Variants in PHRF1 observed in about 807,000 individuals in gnomAD.
The protein encoded by PHRF1 is PHD and ring finger domains 1.
Under a neutral mutation model 128.9 loss-of-function variants are expected in PHRF1, and 53 were observed. The ratio of observed to expected loss-of-function variants is 0.41; its 90% confidence interval spans 0.33 to 0.52. PHRF1 has a LOEUF of 0.52. Ranked by LOEUF, PHRF1 falls within the 20% of genes least tolerant of loss-of-function variation. PHRF1 has a pLI of 0.21. For missense variants in PHRF1, 2,503 were observed against 2,284.5 expected, an observed-to-expected ratio of 1.10 and a Z score of -1.95; for synonymous variants, 1,178 against 980.6, an observed-to-expected ratio of 1.20 and a Z score of -3.76.
intron 4 of PHRF1, among the ~76,000 whole-genome samples, chr11:588,404 A>C (rs936072053): frequency 6.8e-6 from 1 of 147,704 alleles, no homozygotes; most frequent in African/African-American, 2.5e-5. Context: ...TTTGAGACGG[A>C]GTTTTGTTCT....
At chr11:577,834 G>C (rs1157298793) in intron 1 of PHRF1, among the ~76,000 whole-genome samples, 1 of 152,260 alleles carries the variant, frequency 6.6e-6, no homozygotes, top group Non-Finnish European at 1.5e-5. Context: ...TCATTCCTTA[G>C]TAACAGTTGG....
intron 11 of PHRF1, 114 bp downstream of exon 11, chr11:605,414 G>A (rs1855884111): frequency 1.7e-5 from 26 of 1,488,406 alleles, no homozygotes; most frequent in Middle Eastern, 2.1e-4. Context: ...GAGAGTGAGG[G>A]TGGCCATTCC....
chr11:609,615 G>A lies in PHRF1; in HGVS notation c.4159G>A (p.Val1387Met), dbSNP rs1464921914. ...RVQEAARPEE[V>M]VSQTPLLRSR... The stretch of plus-strand genomic sequence containing the variant: ...ACAGGAGGCAGCCCGGCCTGAGGAG[G>A]TGGTTTCGCAGACCCCCCTGCTGCG... Residue 1387 changes from valine to methionine, a missense_variant, in exon 14 of 18, where the codon GTG (valine) becomes ATG (methionine). By Grantham distance (21) the Val-to-Met change is conservative. Transcript: ENST00000264555. 1 of 1,587,576 alleles carries A rather than the reference G, an allele frequency of 6.3e-7. No homozygotes were observed. Among genetic ancestry groups the A allele is most frequent in the Middle Eastern group, 1.7e-4 (1 of 6,028 alleles).
At chr11:590,911 C>T (rs879782224) in intron 4 of PHRF1, among the ~76,000 whole-genome samples, 1 of 152,118 alleles carries the variant, frequency 6.6e-6, no homozygotes, top group Non-Finnish European at 1.5e-5. Context: ...CTGTGTCAGT[C>T]AGGCTGGTCT....
At position 607,451 on chromosome 11, in the gene PHRF1, T is replaced by A; in HGVS notation, c.1995T>A (p.Pro665=). Residue 665 remains proline (P), a synonymous_variant, in exon 14 of 18, where the codon CCT becomes CCA. Coordinates refer to ENST00000264555, the MANE Select transcript of PHRF1 (RefSeq NM_001286581.2). The stretch of plus-strand genomic sequence containing the variant: ...CATGTCGCAGTGTGGTGCCGGGGCC[T>A]CCCCTGAAGCCAGCGCCCAGAAGAA... The part of the protein sequence containing the change: ...KPPCRSVVPG[P]PLKPAPRRTD... 20 of 1,612,782 alleles carry A rather than the reference T, an allele frequency of 1.2e-5. No individual in the cohort carries two copies. Among genetic ancestry groups the A allele is most frequent in the Non-Finnish European group, 1.6e-5 (19 of 1,179,878 alleles).
At chr11:581,708 C>A in intron 2 of PHRF1, 102 bp downstream of exon 2, 2 of 1,193,964 alleles carry the variant, frequency 1.7e-6, no homozygotes, top group Non-Finnish European at 2.3e-6. Flanking sequence ...AACTTTCAGT[C>A]TAAAAAAATT....
chr11:592,509 C>T lies in PHRF1; in HGVS notation c.505-50C>T, dbSNP rs765060500. 11 of 1,552,058 alleles carry T rather than the reference C, an allele frequency of 7.1e-6. No homozygotes were observed. The Admixed American group carries it at 1.3e-4, about 19-fold the overall frequency. ...AACTGCGTTTCACGCTGGGAAGTGA[C>T]TGCGGGGAGTTTGGGTCCTGTGTGG... On this transcript the variant is annotated intron_variant, in intron 5 of 17. Transcript: ENST00000264555.
intron 4 of PHRF1, among the ~76,000 whole-genome samples, chr11:589,487 A>G (rs926732259): frequency 2.6e-5 from 4 of 152,190 alleles, no homozygotes; most frequent in African/African-American, 9.7e-5. Context: ...TGATTTATAA[A>G]ACTACAGGGA....
chr11:591,784 T>C (rs1038606452), intron 5 of PHRF1, among the ~76,000 whole-genome samples: 1 of 152,208 alleles, frequency 6.6e-6, no homozygotes, highest in Non-Finnish European at 1.5e-5. Context: ...TCTTGCTCTT[T>C]CACCCAGGCT....
At chr11:593,170 T>A (rs1855084267) in intron 6 of PHRF1, among the ~76,000 whole-genome samples, 1 of 152,256 alleles carries the variant, frequency 6.6e-6, no homozygotes, top group Non-Finnish European at 1.5e-5. Context: ...CGGGAGCCTG[T>A]GACACTTGTC....
chr11:605,353 C>T (rs910713537), intron 11 of PHRF1, 53 bp downstream of exon 11: 1 of 1,595,202 alleles, frequency 6.3e-7, no homozygotes, highest in African/African-American at 1.3e-5. Flanking sequence ...TCCCTGGGGG[C>T]TGTGGGCACG....
chr11:590,265 A>C (rs1589871636), intron 4 of PHRF1, among the ~76,000 whole-genome samples: 1 of 152,358 alleles, frequency 6.6e-6, no homozygotes, highest in African/African-American at 2.4e-5. Context: ...AAGGCCATGT[A>C]TTCCTGGGTG....
In PHRF1 at chr11:610,188, G is replaced by T. The variant is rs924108713; in HGVS notation, c.4265-8G>T. On this transcript the variant is annotated splice_region_variant and splice_polypyrimidine_tract_variant and intron_variant, in intron 14 of 17. Coordinates refer to ENST00000264555, the MANE Select transcript of PHRF1 (RefSeq NM_001286581.2). ...GAGCACCCACCTCCCTGTCTGTCGG[G>T]CCCCCAGGGGCACCACTTCACAGGC... 3.3e-6 allele frequency: 5 copies of T among 1,499,842 alleles called. No homozygotes were observed. The African/African-American group carries it at 7.0e-5, about 21-fold the overall frequency. The allele number at this position is 1,499,842 out of a possible 1,614,324, so 92.9% of individuals were successfully genotyped here. A position where few individuals can be genotyped will look rare whatever the true frequency, so the allele number is the denominator to read the frequency against.
In PHRF1 at chr11:610,621, G is replaced by T; in HGVS notation, c.4537G>T (p.Gly1513Trp). Residue 1513 changes from glycine to tryptophan, a missense_variant, in exon 16 of 18, where the codon GGG (glycine) becomes TGG (tryptophan). Coordinates refer to ENST00000264555, the MANE Select transcript of PHRF1 (RefSeq NM_001286581.2). ...LQGSLPLVGC[G>W]AAQTLAPVPA... Reference sequence around the variant, plus strand: ...GGGGAGCCTGCCGCTAGTGGGCTGTGGGGCAGCACAGACCCTGGCCCCAGT... The same window carrying T: ...GGGGAGCCTGCCGCTAGTGGGCTGTTGGGCAGCACAGACCCTGGCCCCAGT... The T allele has an allele frequency of 6.2e-7, 1 of 1,606,070 alleles. No individual in the cohort carries two copies.
At position 607,875 on chromosome 11, in the gene PHRF1, G is replaced by C; in HGVS notation, c.2419G>C (p.Glu807Gln). Residue 807 changes from glutamate to glutamine, a missense_variant, in exon 14 of 18, where the codon GAG becomes CAG. Transcript: ENST00000264555. Reference protein sequence around the residue: ...CNTFRPVDDKEQRKENPSPLF... With the variant: ...CNTFRPVDDKQQRKENPSPLF... Reference sequence around the variant, plus strand: ...CACGTTCCGGCCTGTGGACGATAAGGAGCAGAGGAAGGAGAACCCCTCACC... The same window carrying C: ...CACGTTCCGGCCTGTGGACGATAAGCAGCAGAGGAAGGAGAACCCCTCACC... 2 of 1,612,768 alleles carry C rather than the reference G, an allele frequency of 1.2e-6. No individual in the cohort carries two copies. Among genetic ancestry groups the C allele is most frequent in the Non-Finnish European group, 1.7e-6 (2 of 1,179,880 alleles).
intron 3 of PHRF1, among the ~76,000 whole-genome samples, chr11:583,878 CAG>C (rs1483906353): frequency 2.0e-5 from 3 of 152,220 alleles, no homozygotes; most frequent in Non-Finnish European, 1.5e-5. Flanking sequence ...GTTGCTTCCT[CAG>C]AGGGAGGCCG....
At chr11:601,345 C>T (rs1346194527) in intron 9 of PHRF1, among the ~76,000 whole-genome samples, 1 of 151,578 alleles carries the variant, frequency 6.6e-6, no homozygotes, top group Non-Finnish European at 1.5e-5. Flanking sequence ...AGGAGAATCA[C>T]GTGAGCCCAG....
intron 1 of PHRF1, among the ~76,000 whole-genome samples, chr11:579,276 A>C (rs1472017892): frequency 8.3e-5 from 7 of 84,742 alleles, no homozygotes; most frequent in South Asian, 2.6e-4. Context: ...CTGCTCTGTT[A>C]TCTCTTAGGT....
chr11:603,685 T>C (rs1016267095), intron 10 of PHRF1, among the ~76,000 whole-genome samples: 5 of 150,698 alleles, frequency 3.3e-5, no homozygotes, highest in Admixed American at 2.0e-4. Flanking sequence ...CTAGTAAATA[T>C]AAACTCATAT....
Sources: allele counts gnomAD v4.1 joint callset (sites outside exome capture counted in the v4.1 genomes callset), GRCh38; gene constraint gnomAD v4.1.1; transcripts MANE v1.5; gene names NCBI Gene and HGNC (gene_info 2026-07-23, HGNC 2026-07-21).